SKA3: variants seen among roughly 807,000 people sequenced by gnomAD.
SKA3 encodes the protein spindle and kinetochore-associated protein 3.
Under a neutral mutation model 44.2 loss-of-function variants are expected in SKA3, and 39 were observed. That is an observed-to-expected ratio of 0.88 (90% confidence interval 0.68 to 1.15). The LOEUF is 1.15. Among genes scored for constraint, SKA3 ranks in the 50% most tolerant of loss-of-function variants. SKA3 has a pLI of 0.00. For missense variants in SKA3, 511 were observed against 485.8 expected (o/e 1.05, Z -0.49); for synonymous variants, 192 against 172.0 (o/e 1.12, Z -0.91).
intron 3 of SKA3, among the ~76,000 whole-genome samples, chr13:21,171,573 A>G (rs1457515121): frequency 1.3e-5 from 2 of 152,218 alleles, no homozygotes; most frequent in East Asian, 1.9e-4. Context: ...TCAAAAAAAA[A>G]AAAAAGAAAT....
intron 8 of SKA3, 143 bp from the exon 9 acceptor site, chr13:21,155,293 C>A (rs949458713): frequency 1.6e-6 from 1 of 640,120 alleles, no homozygotes; most frequent in South Asian, 2.6e-5. Context: ...CTGGATAATT[C>A]GGGAATCTGA....
rs771670773 is a variant in SKA3, at chr13:21,155,099, G to T, written c.*51C>A. On this transcript the variant is annotated 3_prime_UTR_variant, in exon 9 of 9. Coordinates refer to ENST00000314759, the MANE Select transcript of SKA3 (RefSeq NM_145061.6). ...TGAATGTTAAAATCGGTCCAGCTCG[G>T]CTTTCATCTCATTTTGTTCAGTTTC... The T allele has an allele frequency of 1.9e-6, 3 of 1,610,796 alleles. No homozygotes were observed. Among genetic ancestry groups the T allele is most frequent in the Non-Finnish European group, 2.5e-6 (3 of 1,178,118 alleles).
At chr13:21,163,530 T>C (rs1870548893) in intron 4 of SKA3, among the ~76,000 whole-genome samples, 1 of 152,220 alleles carries the variant, frequency 6.6e-6, no homozygotes, top group South Asian at 2.1e-4. Context: ...ACCAGCATTA[T>C]AAAAGCATTT....
At chr13:21,161,171 T>C (rs921714380) in intron 5 of SKA3, among the ~76,000 whole-genome samples, 1 of 152,078 alleles carries the variant, frequency 6.6e-6, no homozygotes, top group African/African-American at 2.4e-5. Context: ...TAGTCTCGGA[T>C]ACTTGAGAGG....
chr13:21,155,728 T>G lies in SKA3; in HGVS notation c.1203A>C (p.Gly401=), dbSNP rs199838787. The change falls in exon 8 of 9, where the codon GGA becomes GGC. Residue 401 remains glycine, a synonymous_variant. Transcript: ENST00000314759. ...VPPSKRFLKH[G]QNIRDVSNKE... The stretch of plus-strand genomic sequence containing the variant: ...TGTTGCTGACATCTCGGATGTTCTG[T>G]CCATGTTTAAGGAACCTTTTACTGG... 1 of 1,610,728 alleles carries G rather than the reference T, an allele frequency of 6.2e-7. No individual in the cohort carries two copies. Among genetic ancestry groups the G allele is most frequent in the Non-Finnish European group, 8.5e-7 (1 of 1,177,054 alleles).
chr13:21,160,312 G>A (rs1363378172), intron 5 of SKA3, among the ~76,000 whole-genome samples: 7 of 152,080 alleles, frequency 4.6e-5, no homozygotes, highest in Admixed American at 4.6e-4. Context: ...GAGGAAGACG[G>A]AGAACAGGTC....
rs753805234 is a variant in SKA3 at position 21,176,379 on chromosome 13, T to C, written c.99A>G (p.Glu33=). 18 of 1,567,354 alleles carry C rather than the reference T, an allele frequency of 1.1e-5. No homozygotes were observed. Residue 33 remains glutamate (E), a synonymous_variant, in exon 1 of 9, where the codon GAA becomes GAG. Coordinates refer to ENST00000314759, the MANE Select transcript of SKA3 (RefSeq NM_145061.6). ...ARLQRALDGE[E]SDFEDYPMRI... ...CTGGCCGCCCGCCTCACGCACCGCTTTCCTCTCCGTCCAGCGCTCGCTGCA... is the reference window on the plus strand; with the variant it reads ...CTGGCCGCCCGCCTCACGCACCGCTCTCCTCTCCGTCCAGCGCTCGCTGCA...
rs1218105933 is a variant in SKA3 at position 21,168,358 on chromosome 13, T to TTTC, written c.372_373insGAA (p.Ser124_Asn125insGlu). ...TCAGTCTTCTGAAAATTTTCACAAT[T>TTTC]AGACAACTCTGGGTCAGAGTTAATG... is the stretch of plus-strand genomic sequence containing the variant. On this transcript the variant is annotated inframe_insertion, in exon 4 of 9. Coordinates refer to ENST00000314759, the MANE Select transcript of SKA3 (RefSeq NM_145061.6). 3 of 1,613,766 alleles carry TTTC rather than the reference T, an allele frequency of 1.9e-6. No homozygotes were observed. The highest frequency in any genetic ancestry group is 2.5e-6 in the Non-Finnish European group (3 of 1,179,942).
chr13:21,154,833 A>T lies in SKA3; in HGVS notation c.*317T>A. ...CCTCATCTGAGTAGCAAACACCTTT[A>T]TATTTTTGAAATTACTTGTCCTACT... On this transcript the variant is annotated 3_prime_UTR_variant, in exon 9 of 9. Transcript: ENST00000314759. The T allele has an allele frequency of 2.1e-6, 1 of 484,264 alleles. No homozygotes were observed. Among genetic ancestry groups the T allele is most frequent in the Non-Finnish European group, 3.7e-6 (1 of 269,648 alleles). The allele number at this position is 484,264 out of a possible 1,614,324, so 30.0% of individuals were successfully genotyped here.
At chr13:21,176,219 G>A in intron 1 of SKA3, 156 bp downstream of exon 1, 1 of 592,778 alleles carries the variant, frequency 1.7e-6, no homozygotes, top group Non-Finnish European at 2.8e-6. Context: ...GCCAAACGCC[G>A]AGCAGTGAGA....
In SKA3 at chr13:21,168,206, A is replaced by T; in HGVS notation, c.525T>A (p.Pro175=). The change falls in exon 4 of 9, where the codon CCT becomes CCA. Residue 175 remains proline, a synonymous_variant. Coordinates refer to ENST00000314759, the MANE Select transcript of SKA3 (RefSeq NM_145061.6). ...CCTTATAGTTGTTCACTGCCTGTGG[A>T]GGGTTTGGTAGAACTTGGGATACGA... is the stretch of plus-strand genomic sequence containing the variant. ...RYIVSQVLPN[P]PQAVNNYKEE... 6.2e-7 allele frequency: 1 copy of T among 1,614,078 alleles called. No homozygotes were observed. Among genetic ancestry groups the T allele is most frequent in the African/African-American group, 1.3e-5 (1 of 75,020 alleles).
intron 4 of SKA3, among the ~76,000 whole-genome samples, chr13:21,162,889 A>T (rs1436360395): frequency 2.6e-5 from 4 of 152,158 alleles, no homozygotes; most frequent in Admixed American, 1.3e-4. Flanking sequence ...AAAAATAAAA[A>T]AAAATAAAAT....
intron 7 of SKA3, among the ~76,000 whole-genome samples, chr13:21,156,707 T>C (rs1870138010): frequency 6.6e-6 from 1 of 152,234 alleles, no homozygotes; most frequent in African/African-American, 2.4e-5. Flanking sequence ...TTTTCCGAAG[T>C]GATTTATCCT....
At position 21,168,701 on chromosome 13, in the gene SKA3, T is replaced by A. The variant is rs902102326; in HGVS notation, c.332-302A>T. Among the ~76,000 whole-genome samples the A allele has an allele frequency of 1.6e-4, 24 of 151,888 alleles. 1 individual carries two copies. The highest frequency in any genetic ancestry group is 1.6e-3 in the Admixed American group (24 of 15,230). ...CACCATGCTCAGCTAATTTTAAAAA[T>A]TTTTTTTTGTAGAGTGGGGTCTCAT... is the stretch of plus-strand genomic sequence containing the variant. On this transcript the variant is annotated intron_variant, in intron 3 of 8. Coordinates refer to ENST00000314759, the MANE Select transcript of SKA3 (RefSeq NM_145061.6).
chr13:21,170,267 T>C (rs4770122), intron 3 of SKA3, among the ~76,000 whole-genome samples: 137,779 of 151,250 alleles, frequency 0.91, 63,130 homozygotes, highest in East Asian at 1. Flanking sequence ...GCAACCTCCG[T>C]CTCCTGGGTT....
At chr13:21,171,839 C>T (rs560352296) in intron 3 of SKA3, among the ~76,000 whole-genome samples, 1 of 152,236 alleles carries the variant, frequency 6.6e-6, no homozygotes, top group African/African-American at 2.4e-5. Flanking sequence ...GGCATTTTGA[C>T]TCCAAATTCT....
intron 7 of SKA3, among the ~76,000 whole-genome samples, chr13:21,157,670 T>C (rs1595296400): frequency 6.6e-6 from 1 of 152,236 alleles, no homozygotes; most frequent in Non-Finnish European, 1.5e-5. Flanking sequence ...TCTGGGAAAT[T>C]GTAGGGTAAA....
At chr13:21,155,629 G>A in intron 8 of SKA3, 64 bp downstream of exon 8, 1 of 882,822 alleles carries the variant, frequency 1.1e-6, no homozygotes, top group Non-Finnish European at 1.7e-6. Context: ...ATGGTCAAAT[G>A]TTAATTTTTA....
At chr13:21,169,258 T>A (rs910524803) in intron 3 of SKA3, among the ~76,000 whole-genome samples, 19 of 151,752 alleles carry the variant, frequency 1.3e-4, no homozygotes, top group Non-Finnish European at 2.8e-4. Flanking sequence ...ATTTTTTGAG[T>A]CAGGGTCTCA....
Sources: gnomAD v4.1 joint callset for allele counts (sites outside exome capture counted in the v4.1 genomes callset) on GRCh38, gnomAD v4.1.1 for gene constraint, MANE v1.5 for transcripts, NCBI Gene and HGNC (gene_info 2026-07-23, HGNC 2026-07-21) for gene names.